The following SCOC variants were observed in gnomAD, a reference collection of about 807,000 sequenced individuals.
SCOC encodes the protein short coiled-coil protein.
A neutral mutation model predicts 9.9 loss-of-function variants in SCOC; 7 were observed. That is an observed-to-expected ratio of 0.71 (90% CI 0.40 to 1.33). The LOEUF (loss-of-function observed/expected upper bound fraction) is 1.33. SCOC is among the 40% of genes most tolerant of loss of function. The pLI is 0.01. For missense variants in SCOC, 66 were observed against 89.7 expected (o/e 0.74, Z 1.07); for synonymous variants, 19 against 28.2 (o/e 0.67, Z 1.03).
chr4:140,317,431 T>C (rs958850320), intron 1 of SCOC, among the ~76,000 whole-genome samples: 1 of 152,160 alleles, frequency 6.6e-6, no homozygotes, highest in Non-Finnish European at 1.5e-5. Context: ...ATCCCTGTCC[T>C]GTTCTGTTCC....
At chr4:140,297,542 C>G (rs1237873355) in intron 1 of SCOC, among the ~76,000 whole-genome samples, 1 of 152,188 alleles carries the variant, frequency 6.6e-6, no homozygotes, top group Admixed American at 6.5e-5. Context: ...CCCTCCCACA[C>G]CTTTCCTTCC....
At chr4:140,308,763 G>T (rs1047196361) in intron 1 of SCOC, among the ~76,000 whole-genome samples, 1 of 152,220 alleles carries the variant, frequency 6.6e-6, no homozygotes, top group Non-Finnish European at 1.5e-5. Context: ...GCTTCCTCCT[G>T]CTATGCAAGC....
intron 1 of SCOC, 30 bp from the exon 2 acceptor site, chr4:140,379,091 G>T (rs1728463234): frequency 7.5e-7 from 1 of 1,332,018 alleles, no homozygotes; most frequent in Non-Finnish European, 1.1e-6. Flanking sequence ...TGCTGTATGT[G>T]TCTATATTTC....
At chr4:140,328,176 C>A (rs1315150146) in intron 1 of SCOC, among the ~76,000 whole-genome samples, 1 of 152,220 alleles carries the variant, frequency 6.6e-6, no homozygotes, top group Non-Finnish European at 1.5e-5. Flanking sequence ...TTCTTACTGA[C>A]ACACTTAACA....
At chr4:140,340,783 CT>C (rs36136647), upstream of SCOC, among the ~76,000 whole-genome samples, 224 of 40,440 alleles carry the variant, frequency 5.5e-3, 4 homozygotes, top group East Asian at 0.064. Context: ...TGCTGCCTAA[CT>C]TTTTTTTTTT....
At chr4:140,366,614 T>G in intron 2 of SCOC, 1 of 1,606,960 alleles carries the variant, frequency 6.2e-7, no homozygotes, top group Non-Finnish European at 8.5e-7. Context: ...CATTTTGTAT[T>G]GATGTTTGCC....
intron 2 of SCOC, chr4:140,362,638 A>G (rs1274167589): frequency 1.3e-5 from 2 of 151,910 alleles, no homozygotes; most frequent in East Asian, 3.9e-4. Context: ...AGTGGAAAAG[A>G]AAGGTTAGGG....
At chr4:140,260,860 A>G (rs1482946331) in intron 1 of SCOC, among the ~76,000 whole-genome samples, 2 of 152,170 alleles carry the variant, frequency 1.3e-5, no homozygotes, top group Non-Finnish European at 2.9e-5. Flanking sequence ...TTTTAATTTT[A>G]GTTTAAGCAT....
chr4:140,355,211 T>TTATATATATATATATGATA (rs1553940379), intron 2 of SCOC, among the ~76,000 whole-genome samples: 8 of 61,392 alleles, frequency 1.3e-4, no homozygotes, highest in East Asian at 4.6e-4. Flanking sequence ...CATTATATTT[T>TTATATATATATATATGATA]TATATATATA....
intron 1 of SCOC, among the ~76,000 whole-genome samples, chr4:140,271,008 C>T (rs551249092): frequency 1.4e-3 from 215 of 152,186 alleles, no homozygotes; most frequent in African/African-American, 4.7e-3. Flanking sequence ...TGTTCTTCAT[C>T]GAGCTAATTA....
intron 1 of SCOC, among the ~76,000 whole-genome samples, chr4:140,264,200 C>T (rs1041696569): frequency 6.6e-6 from 1 of 152,082 alleles, no homozygotes; most frequent in Non-Finnish European, 1.5e-5. Context: ...ATGGGGGTCT[C>T]ACCATGTTGC....
At chr4:140,273,578 A>G (rs1428840896) in intron 1 of SCOC, among the ~76,000 whole-genome samples, 1 of 152,160 alleles carries the variant, frequency 6.6e-6, no homozygotes, top group African/African-American at 2.4e-5. Flanking sequence ...TGTCTGTGAA[A>G]TGAACATGTC....
chr4:140,332,082 A>G (rs1049593801), intron 1 of SCOC, among the ~76,000 whole-genome samples: 2 of 152,072 alleles, frequency 1.3e-5, no homozygotes, highest in African/African-American at 4.8e-5. Context: ...TATCATGTGA[A>G]CAGCACTAGT....
chr4:140,364,599 C>T (rs1312224896), intron 2 of SCOC, among the ~76,000 whole-genome samples: 2 of 152,134 alleles, frequency 1.3e-5, no homozygotes, highest in Non-Finnish European at 2.9e-5. Flanking sequence ...CAGGACTGCC[C>T]TTATCTATAA....
rs74288614 is a variant in SCOC, at chr4:140,302,288, T to C, written c.-18-41333T>C. ...TCCTGTCCACAGAAAATCAAAGGGGTCTTTGTCTTTTCATTCTGCCTGCGC... is the reference window on the plus strand; with the variant it reads ...TCCTGTCCACAGAAAATCAAAGGGGCCTTTGTCTTTTCATTCTGCCTGCGC... On this transcript the variant is annotated intron_variant, in intron 1 of 4. Transcript: ENST00000394205. Among the ~76,000 whole-genome samples the C allele has an allele frequency of 2.6e-4, 40 of 151,962 alleles. No homozygotes were observed. The East Asian group carries it at 7.4e-3, about 28-fold the overall frequency.
chr4:140,358,826 T>C (rs2126545799), intron 2 of SCOC, among the ~76,000 whole-genome samples: 1 of 152,316 alleles, frequency 6.6e-6, no homozygotes, highest in Non-Finnish European at 1.5e-5. Flanking sequence ...CACCATTCCA[T>C]TTTAATCACC....
chr4:140,282,439 G>A (rs1050429727), intron 1 of SCOC, among the ~76,000 whole-genome samples: 5 of 152,124 alleles, frequency 3.3e-5, no homozygotes, highest in Non-Finnish European at 7.4e-5. Context: ...ACTAATCTAC[G>A]CTTTGTTCTC....
At chr4:140,341,784 C>T (rs1726519345), upstream of SCOC, among the ~76,000 whole-genome samples, 3 of 152,166 alleles carry the variant, frequency 2.0e-5, no homozygotes, top group Admixed American at 1.3e-4. Context: ...CACTTTCTGC[C>T]AGCTGCTCCC....
At chr4:140,280,090 A>G (rs1290517265) in intron 1 of SCOC, among the ~76,000 whole-genome samples, 1 of 152,084 alleles carries the variant, frequency 6.6e-6, no homozygotes, top group Non-Finnish European at 1.5e-5. Context: ...GGCTACAGTG[A>G]GTTGCAAAGT....
Sources: allele counts gnomAD v4.1 joint callset (sites outside exome capture counted in the v4.1 genomes callset), GRCh38; gene constraint gnomAD v4.1.1; transcripts MANE v1.5; gene names NCBI Gene and HGNC (gene_info 2026-07-23, HGNC 2026-07-21).